The following PI4KB variants were observed in gnomAD, a reference collection of about 807,000 sequenced individuals.
The protein encoded by PI4KB is phosphatidylinositol 4-kinase beta.
PI4KB carries 23 observed loss-of-function variants against 81.4 expected under a neutral mutation model. The ratio of observed to expected loss-of-function variants is 0.28; its 90% confidence interval spans 0.20 to 0.40. The LOEUF (loss-of-function observed/expected upper bound fraction) is 0.40. Ranked by LOEUF, PI4KB falls within the 10% of genes least tolerant of loss-of-function variation. PI4KB has a pLI of 1.00. For missense variants in PI4KB, 651 were observed against 1,036.6 expected, an observed-to-expected ratio of 0.63 and a Z score of 5.11; for synonymous variants, 381 against 406.8, an observed-to-expected ratio of 0.94 and a Z score of 0.76.
At chr1:151,307,176 T>G (rs943225490) in intron 4 of PI4KB, among the ~76,000 whole-genome samples, 1 of 152,214 alleles carries the variant, frequency 6.6e-6, no homozygotes, top group African/African-American at 2.4e-5. Context: ...TCTCCTTTTG[T>G]CGGCTCATTC....
chr1:151,318,039 C>T (rs1301327768), intron 1 of PI4KB, among the ~76,000 whole-genome samples: 2 of 152,176 alleles, frequency 1.3e-5, no homozygotes, highest in Non-Finnish European at 2.9e-5. Flanking sequence ...CTTTGAACGC[C>T]TGGCCTCAAG....
intron 7 of PI4KB, 93 bp from the exon 8 acceptor site, chr1:151,302,060 T>C (rs766009550): frequency 1.1e-5 from 17 of 1,593,816 alleles, no homozygotes; most frequent in East Asian, 6.7e-5. Context: ...AAACGCCCCA[T>C]AGGGCAAGGA....
At position 151,292,616 on chromosome 1, in the gene PI4KB, T is replaced by C; in HGVS notation, c.*236A>G. 1 of 551,928 alleles carries C rather than the reference T, an allele frequency of 1.8e-6. No individual in the cohort carries two copies. The allele number at this position is 551,928 out of a possible 1,614,324, so 34.2% of individuals were successfully genotyped here. A position where few individuals can be genotyped will look rare whatever the true frequency, so the allele number is the denominator to read the frequency against. On this transcript the variant is annotated 3_prime_UTR_variant, in exon 12 of 12. Transcript: ENST00000368873. ...AGTCCTGGAGTCAGTCTGGTGGTAA[T>C]ACTGACACAGACCAGGAGGGGCAGG...
chr1:151,296,862 A>C (rs144572872), intron 9 of PI4KB, among the ~76,000 whole-genome samples: 8 of 147,100 alleles, frequency 5.4e-5, no homozygotes, highest in Non-Finnish European at 1.2e-4. Flanking sequence ...TGCAACCTCC[A>C]CCTCCCGGGT....
At chr1:151,295,960 T>C (rs148554182) in intron 9 of PI4KB, among the ~76,000 whole-genome samples, 1 of 152,270 alleles carries the variant, frequency 6.6e-6, no homozygotes, top group East Asian at 1.9e-4. Flanking sequence ...ATAATTGCAT[T>C]CTCGGCCGGA....
chr1:151,316,832 G>A (rs1027822229), intron 1 of PI4KB, among the ~76,000 whole-genome samples: 5 of 152,130 alleles, frequency 3.3e-5, no homozygotes, highest in African/African-American at 1.2e-4. Context: ...TGTTGTTGTT[G>A]TTGTTGTTGA....
chr1:151,306,073 T>C, intron 5 of PI4KB, 63 bp downstream of exon 5: 1 of 1,339,920 alleles, frequency 7.5e-7, no homozygotes, highest in Non-Finnish European at 1.1e-6. Context: ...TTGTTTCCAA[T>C]ATAGTGAAAG....
chr1:151,310,705 C>A (rs1219674102), intron 2 of PI4KB, among the ~76,000 whole-genome samples: 1 of 152,162 alleles, frequency 6.6e-6, no homozygotes, highest in Non-Finnish European at 1.5e-5. Context: ...GGCTCCCATA[C>A]TGGAAACCCC....
chr1:151,326,971 T>C (rs1649702136), intron 1 of PI4KB, among the ~76,000 whole-genome samples: 1 of 151,870 alleles, frequency 6.6e-6, no homozygotes, highest in African/African-American at 2.4e-5. Flanking sequence ...TCGTCTGATA[T>C]GGAAAGGGTT....
chr1:151,310,089 C>A, intron 3 of PI4KB, 122 bp downstream of exon 3: 2 of 692,252 alleles, frequency 2.9e-6, no homozygotes, highest in East Asian at 2.6e-5. Flanking sequence ...AGCTGATCTC[C>A]CAGTAAGAAA....
At chr1:151,311,540 G>A (rs1478957115) in intron 2 of PI4KB, among the ~76,000 whole-genome samples, 1 of 152,234 alleles carries the variant, frequency 6.6e-6, no homozygotes, top group Non-Finnish European at 1.5e-5. Context: ...AGAAGGTGGT[G>A]GGAGAATTAA....
At chr1:151,303,363 T>A (rs976109666) in intron 6 of PI4KB, 178 bp downstream of exon 6, 1 of 616,734 alleles carries the variant, frequency 1.6e-6, no homozygotes, top group Non-Finnish European at 2.9e-6. Flanking sequence ...GTAGCCCAAG[T>A]AATTTCTCAA....
intron 2 of PI4KB, among the ~76,000 whole-genome samples, chr1:151,313,923 G>A (rs1173248493): frequency 6.6e-6 from 1 of 152,210 alleles, no homozygotes; most frequent in Non-Finnish European, 1.5e-5. Context: ...GAGGGACCTT[G>A]GGCAAAACAT....
At chr1:151,296,156 G>A (rs1485526667) in intron 9 of PI4KB, among the ~76,000 whole-genome samples, 1 of 152,136 alleles carries the variant, frequency 6.6e-6, no homozygotes, top group African/African-American at 2.4e-5. Flanking sequence ...TGAGGTGGGA[G>A]AATCACTTGA....
chr1:151,316,859 G>C (rs538652428), intron 1 of PI4KB, among the ~76,000 whole-genome samples: 1 of 152,312 alleles, frequency 6.6e-6, no homozygotes, highest in South Asian at 2.1e-4. Flanking sequence ...GTCTCGCTCT[G>C]TCACCCAGGC....
rs936008429 is a variant in PI4KB, at chr1:151,327,291, G to A, written c.-49C>T. The stretch of plus-strand genomic sequence containing the variant: ...CTTACCTCTGGGGGACCCCCGCGGA[G>A]GGGGTGCGGGCAGTCGCGGTTGGAC... On this transcript the variant is annotated 5_prime_UTR_variant, in exon 1 of 12. Coordinates refer to ENST00000368873, the MANE Select transcript of PI4KB (RefSeq NM_001369623.2). 1.7e-5 allele frequency: 5 copies of A among 301,482 alleles called. No homozygotes were observed. Among genetic ancestry groups the A allele is most frequent in the Non-Finnish European group, 3.0e-5 (5 of 164,344 alleles). The allele number at this position is 301,482 out of a possible 1,614,324, so 18.7% of individuals were successfully genotyped here. A position where few individuals can be genotyped will look rare whatever the true frequency, so the allele number is the denominator to read the frequency against.
chr1:151,303,825 A>G (rs180814155), intron 5 of PI4KB, among the ~76,000 whole-genome samples, 175 bp from the exon 6 acceptor site: 1 of 152,318 alleles, frequency 6.6e-6, no homozygotes, highest in Admixed American at 6.5e-5. Context: ...CAACATGTGA[A>G]CTACCTGCAG....
chr1:151,307,494 C>T (rs1039845649), intron 4 of PI4KB, 80 bp downstream of exon 4: 6 of 853,946 alleles, frequency 7.0e-6, no homozygotes, highest in Non-Finnish European at 9.7e-6. Context: ...GAGGGCCTCA[C>T]TGGTCATACA....
Position 151,310,259 on chromosome 1 carries a change from G to C in PI4KB, c.910-4C>G, listed in dbSNP as rs759799567. ...TCTCGGTGCTGGAGGAGAGCTCCTG[G>C]GAAAGGGCCAGAGGGCAAAGGGAGA... On this transcript the variant is annotated splice_polypyrimidine_tract_variant and splice_region_variant and intron_variant, in intron 2 of 11. Coordinates refer to ENST00000368873, the MANE Select transcript of PI4KB (RefSeq NM_001369623.2). 1 of 1,595,640 alleles carries C rather than the reference G, an allele frequency of 6.3e-7. No individual in the cohort carries two copies. The highest frequency in any genetic ancestry group is 1.3e-5 in the African/African-American group (1 of 74,636).
Sources: allele counts gnomAD v4.1 joint callset (sites outside exome capture counted in the v4.1 genomes callset), GRCh38; gene constraint gnomAD v4.1.1; transcripts MANE v1.5; gene names NCBI Gene and HGNC (gene_info 2026-07-23, HGNC 2026-07-21).